The following DPP6 variants were observed in gnomAD, a reference collection of about 807,000 sequenced individuals.
The protein encoded by DPP6 is dipeptidyl peptidase like 6, also known as A-type potassium channel modulatory protein DPP6.
DPP6 carries 69 observed loss-of-function variants against 122.6 expected under a neutral mutation model. That is an observed-to-expected ratio of 0.56 (90% CI 0.46 to 0.69). The LOEUF is 0.69. DPP6 is among the 30% of genes least tolerant of loss of function. The probability of loss-of-function intolerance (pLI) is 0.00; values close to 1 mark genes in which losing one functional copy is unlikely to be tolerated. For missense variants in DPP6, 928 were observed against 1,116.9 expected (o/e 0.83, Z 2.41); for synonymous variants, 418 against 433.1 (o/e 0.97, Z 0.43).
At chr7:154,237,427 A>C (rs910615620) in intron 1 of DPP6, among the ~76,000 whole-genome samples, 3 of 152,168 alleles carry the variant, frequency 2.0e-5, no homozygotes, top group African/African-American at 7.2e-5. Flanking sequence ...GGGGTCTGAC[A>C]CCCAGTGTTA....
intron 1 of DPP6, among the ~76,000 whole-genome samples, chr7:154,433,484 T>C (rs1818615073): frequency 6.6e-6 from 1 of 151,998 alleles, no homozygotes; most frequent in Non-Finnish European, 1.5e-5. Context: ...CTTCATTGTT[T>C]ATAAGCGTGT....
chr7:154,653,371 AGATT>A (rs1837006397), intron 6 of DPP6, among the ~76,000 whole-genome samples: 1 of 152,308 alleles, frequency 6.6e-6, no homozygotes, highest in African/African-American at 2.4e-5. Context: ...ATAGATTGAC[AGATT>A]GATTGATAAA....
intron 1 of DPP6, among the ~76,000 whole-genome samples, chr7:154,285,320 A>G (rs978025424): frequency 6.6e-6 from 1 of 152,132 alleles, no homozygotes; most frequent in African/African-American, 2.4e-5. Flanking sequence ...GCTGGAGTGC[A>G]GTGGCGCAGT....
intron 7 of DPP6, among the ~76,000 whole-genome samples, chr7:154,709,217 G>C (rs958801754): frequency 6.6e-6 from 1 of 152,142 alleles, no homozygotes; most frequent in Non-Finnish European, 1.5e-5. Flanking sequence ...ATGTTTTGTA[G>C]AGACAGGATC....
intron 17 of DPP6, chr7:154,858,558 C>T (rs1160985319): frequency 6.6e-6 from 1 of 152,502 alleles, no homozygotes; most frequent in Non-Finnish European, 1.5e-5. Context: ...CATACACCAC[C>T]CCCGGGGTCC....
chr7:154,559,232 A>AT (rs200774503), intron 4 of DPP6, among the ~76,000 whole-genome samples: 3,722 of 151,422 alleles, frequency 0.025, 72 homozygotes, highest in African/African-American at 0.04. Flanking sequence ...TTAAAAAAAA[A>AT]AAAAATTCTC....
At chr7:154,352,191 C>T (rs377297401) in intron 1 of DPP6, among the ~76,000 whole-genome samples, 27 of 152,196 alleles carry the variant, frequency 1.8e-4, no homozygotes, top group African/African-American at 5.8e-4. Context: ...AGGCCGGGCA[C>T]GGTGGCTCAC....
chr7:154,610,959 C>G (rs1488927), intron 5 of DPP6, among the ~76,000 whole-genome samples: 61,499 of 152,052 alleles, frequency 0.4, 13,455 homozygotes, highest in East Asian at 0.65. Context: ...ATCATCTTTC[C>G]TCACTCTCAG....
intron 1 of DPP6, among the ~76,000 whole-genome samples, chr7:154,170,185 C>T (rs896415471): frequency 6.6e-6 from 1 of 152,168 alleles, no homozygotes; most frequent in Non-Finnish European, 1.5e-5. Flanking sequence ...CAAAGCCACC[C>T]TTGCCGCAGC....
chr7:153,936,123 T>G (rs1801428129), intron 1 of DPP6, among the ~76,000 whole-genome samples: 1 of 152,166 alleles, frequency 6.6e-6, no homozygotes, highest in African/African-American at 2.4e-5. Flanking sequence ...GCTCTAATAC[T>G]CCCTAGAAAA....
At chr7:153,958,878 C>G (rs1310394021) in intron 1 of DPP6, among the ~76,000 whole-genome samples, 3 of 152,062 alleles carry the variant, frequency 2.0e-5, no homozygotes, top group Non-Finnish European at 4.4e-5. Flanking sequence ...AAAAAACCCT[C>G]AAGAACTGCT....
intron 7 of DPP6, among the ~76,000 whole-genome samples, chr7:154,696,784 C>A (rs558911653): frequency 4.6e-5 from 7 of 152,350 alleles, no homozygotes; most frequent in Non-Finnish European, 1.0e-4. Context: ...TAATGAGAAC[C>A]TCCTGGTCAG....
upstream of DPP6, among the ~76,000 whole-genome samples, chr7:153,884,987 A>AATACATATATAT (rs1209555021): frequency 7.8e-3 from 907 of 116,388 alleles, 26 homozygotes; most frequent in African/African-American, 0.015. Flanking sequence ...TCAAAACAAA[A>AATACATATATAT]ATATATATAT....
the DPP6 span, among the ~76,000 whole-genome samples, chr7:153,840,704 G>T: frequency 1.3e-5 from 2 of 151,864 alleles, no homozygotes; most frequent in Non-Finnish European, 2.9e-5. Context: ...TCTGCACTTA[G>T]GGGATTACTG....
At chr7:154,137,641 T>TGGGGGGGGGGGGGGGG (rs1221969502) in intron 1 of DPP6, among the ~76,000 whole-genome samples, 1 of 27,260 alleles carries the variant, frequency 3.7e-5, no homozygotes, top group Non-Finnish European at 7.8e-5. Context: ...GAGGAGATGG[T>TGGGGGGGGGGGGGGGG]GGGGGGGGTG....
At chr7:154,394,780 T>C (rs1814940970) in intron 1 of DPP6, among the ~76,000 whole-genome samples, 1 of 152,190 alleles carries the variant, frequency 6.6e-6, no homozygotes. Flanking sequence ...TAGTGTAAGG[T>C]AAGGGTCTAG....
rs989567852 is a variant in DPP6, at chr7:154,569,867, C to T, written c.627+2951C>T. Reference sequence around the variant, plus strand: ...TAATCATAGGTTCAAGGGCTCATTCCGATGCTCACCAGCTATGTTTGCTTG... The same window carrying T: ...TAATCATAGGTTCAAGGGCTCATTCTGATGCTCACCAGCTATGTTTGCTTG... On this transcript the variant is annotated intron_variant, in intron 5 of 25. Transcript: ENST00000377770. Among the ~76,000 whole-genome samples the T allele has an allele frequency of 4.1e-4, 62 of 151,928 alleles. 1 individual carries two copies. The highest frequency in any genetic ancestry group is 1.3e-3 in the African/African-American group (55 of 41,326).
At chr7:153,885,185 A>G (rs555525930), upstream of DPP6, among the ~76,000 whole-genome samples, 1 of 151,830 alleles carries the variant, frequency 6.6e-6, no homozygotes, top group South Asian at 2.1e-4. Flanking sequence ...GAACCATATT[A>G]ACCCTGCTTA....
intron 1 of DPP6, among the ~76,000 whole-genome samples, chr7:154,127,613 A>T (rs1807991636): frequency 1.0e-5 from 1 of 97,522 alleles, no homozygotes; most frequent in African/African-American, 4.8e-5. Context: ...ACACACACAC[A>T]CACACACACA....
Sources: gnomAD v4.1 joint callset for allele counts (sites outside exome capture counted in the v4.1 genomes callset) on GRCh38, gnomAD v4.1.1 for gene constraint, MANE v1.5 for transcripts, NCBI Gene and HGNC (gene_info 2026-07-23, HGNC 2026-07-21) for gene names.